Variants in PTPRT observed in about 807,000 individuals in gnomAD.
PTPRT encodes receptor-type tyrosine-protein phosphatase T.
A neutral mutation model predicts 176.8 loss-of-function variants in PTPRT; 56 were observed. That is an observed-to-expected ratio of 0.32 (90% CI 0.26 to 0.40). PTPRT has a LOEUF of 0.40. Among genes scored for constraint, PTPRT ranks in the 10% least tolerant of loss-of-function variants. The pLI, the probability that PTPRT is intolerant of heterozygous loss-of-function variation, is 1.00. For missense variants in PTPRT, 1,540 were observed against 1,908.2 expected (o/e 0.81, Z 3.60); for synonymous variants, 783 against 739.0 (o/e 1.06, Z -0.96).
intron 7 of PTPRT, among the ~76,000 whole-genome samples, chr20:42,650,904 T>C (rs1247368641): frequency 6.6e-6 from 1 of 152,110 alleles, no homozygotes; most frequent in Non-Finnish European, 1.5e-5. Context: ...AGAACACAAT[T>C]AAGAAACCCC....
chr20:43,007,065 C>T (rs1984891138), intron 1 of PTPRT, among the ~76,000 whole-genome samples: 1 of 152,122 alleles, frequency 6.6e-6, no homozygotes, highest in African/African-American at 2.4e-5. Flanking sequence ...AATCTAAAAT[C>T]AATATAAAGA....
At chr20:42,927,361 C>T (rs192291236) in intron 1 of PTPRT, among the ~76,000 whole-genome samples, 178 of 152,088 alleles carry the variant, frequency 1.2e-3, no homozygotes, top group Non-Finnish European at 5.0e-4. Context: ...CAGGATTTGG[C>T]GACCAGCCTG....
intron 27 of PTPRT, among the ~76,000 whole-genome samples, chr20:42,087,872 CAAAAAAA>C (rs56235565): frequency 0.14 from 12,926 of 89,212 alleles, 1,718 homozygotes; most frequent in African/African-American, 0.37. Context: ...GACTCCATTT[CAAAAAAA>C]AAAAAAAAAA....
At chr20:42,377,878 T>C (rs1229206842) in intron 9 of PTPRT, among the ~76,000 whole-genome samples, 1 of 152,156 alleles carries the variant, frequency 6.6e-6, no homozygotes, top group Non-Finnish European at 1.5e-5. Context: ...AAAATAACAC[T>C]ATAGGAAGAA....
At chr20:42,040,970 T>C in the PTPRT span, among the ~76,000 whole-genome samples, 1 of 152,210 alleles carries the variant, frequency 6.6e-6, no homozygotes, top group African/African-American at 2.4e-5. Context: ...TGTCTGACAC[T>C]AGAGGGTTTT....
At chr20:43,045,789 C>T (rs1231826758) in intron 1 of PTPRT, among the ~76,000 whole-genome samples, 1 of 152,000 alleles carries the variant, frequency 6.6e-6, no homozygotes, top group Admixed American at 6.6e-5. Context: ...AGTTTATAAT[C>T]TCCTGGGAGA....
chr20:42,732,890 T>C (rs1037912668), intron 6 of PTPRT, among the ~76,000 whole-genome samples: 8 of 152,194 alleles, frequency 5.3e-5, no homozygotes, highest in African/African-American at 1.9e-4. Context: ...CTACAAAAGA[T>C]CCCTGGATAC....
intron 15 of PTPRT, among the ~76,000 whole-genome samples, chr20:42,228,424 C>T (rs1356124745): frequency 1.3e-5 from 2 of 152,228 alleles, no homozygotes; most frequent in Non-Finnish European, 2.9e-5. Context: ...CGTTCAGTTG[C>T]AATCCCTATC....
intron 1 of PTPRT, among the ~76,000 whole-genome samples, chr20:42,928,000 T>A (rs1979595044): frequency 6.6e-6 from 1 of 152,178 alleles, no homozygotes; most frequent in African/African-American, 2.4e-5. Flanking sequence ...TATTGGCTGC[T>A]AAGCAGCACC....
chr20:42,627,650 C>T (rs750232917), intron 7 of PTPRT, among the ~76,000 whole-genome samples: 30 of 152,074 alleles, frequency 2.0e-4, no homozygotes, highest in East Asian at 9.6e-4. Context: ...CTCACATCTA[C>T]GGAGGCTTCA....
At chr20:42,155,496 G>A (rs986842252) in intron 17 of PTPRT, among the ~76,000 whole-genome samples, 1 of 152,120 alleles carries the variant, frequency 6.6e-6, no homozygotes, top group Non-Finnish European at 1.5e-5. Flanking sequence ...AGGGTTATTT[G>A]GATCACTTTG....
At chr20:42,222,167 CATG>C (rs2055901350) in intron 15 of PTPRT, among the ~76,000 whole-genome samples, 2 of 152,204 alleles carry the variant, frequency 1.3e-5, no homozygotes, top group African/African-American at 4.8e-5. Context: ...ACCCTCAATT[CATG>C]ATGAGAACAC....
intron 7 of PTPRT, among the ~76,000 whole-genome samples, chr20:42,537,491 C>T (rs1484929142): frequency 6.6e-6 from 1 of 152,120 alleles, no homozygotes; most frequent in Admixed American, 6.5e-5. Context: ...CATCTTTCAA[C>T]AGAATTTTTT....
intron 9 of PTPRT, among the ~76,000 whole-genome samples, chr20:42,422,227 T>C (rs2059124862): frequency 6.6e-6 from 1 of 152,092 alleles, no homozygotes; most frequent in South Asian, 2.1e-4. Context: ...ACTAAAGAGC[T>C]TCTACACTGC....
At chr20:42,975,619 T>G (rs1982901831) in intron 1 of PTPRT, among the ~76,000 whole-genome samples, 2 of 152,158 alleles carry the variant, frequency 1.3e-5, no homozygotes, top group Non-Finnish European at 2.9e-5. Flanking sequence ...GTGACGATGC[T>G]TGAGGAAACA....
At chr20:42,216,937 G>A (rs753478554) in intron 15 of PTPRT, among the ~76,000 whole-genome samples, 2 of 152,158 alleles carry the variant, frequency 1.3e-5, no homozygotes, top group South Asian at 2.1e-4. Context: ...TCAGGGGTGA[G>A]TGCAAAAACT....
intron 18 of PTPRT, among the ~76,000 whole-genome samples, chr20:42,130,577 G>A (rs1239712261): frequency 6.6e-6 from 1 of 152,178 alleles, no homozygotes; most frequent in Non-Finnish European, 1.5e-5. Context: ...AGTGGGAGAA[G>A]GTAAGGAATG....
chr20:42,399,788 T>TA (rs1434743320), intron 9 of PTPRT, among the ~76,000 whole-genome samples: 1 of 152,230 alleles, frequency 6.6e-6, no homozygotes, highest in Non-Finnish European at 1.5e-5. Flanking sequence ...CTTGCACAAG[T>TA]ACTACAACAA....
intron 1 of PTPRT, among the ~76,000 whole-genome samples, chr20:43,024,149 T>C (rs1985818368): frequency 6.6e-6 from 1 of 152,138 alleles, no homozygotes. Flanking sequence ...TCTGAGAATA[T>C]GGGCAAGCTA....
Sources: gnomAD v4.1 joint callset for allele counts (sites outside exome capture counted in the v4.1 genomes callset) on GRCh38, gnomAD v4.1.1 for gene constraint, MANE v1.5 for transcripts, NCBI Gene and HGNC (gene_info 2026-07-23, HGNC 2026-07-21) for gene names.